The following GPR146 variants were observed in gnomAD, a reference collection of about 807,000 sequenced individuals.
GPR146 encodes G-protein coupled receptor 146.
For synonymous variants in GPR146, 203 were observed against 104.3 expected, an observed-to-expected ratio of 1.95 and a Z score of -5.77; for missense variants, 381 against 213.9, an observed-to-expected ratio of 1.78 and a Z score of -4.87.
intron 1 of GPR146, among the ~76,000 whole-genome samples, chr7:1,050,697 C>T (rs12701708): frequency 0.19 from 29,622 of 152,168 alleles, 3,046 homozygotes; most frequent in Admixed American, 0.22. Flanking sequence ...GAGCCCAGCA[C>T]GGGGTCTTGG....
intron 1 of GPR146, among the ~76,000 whole-genome samples, chr7:1,051,811 A>C (rs1302500615): frequency 6.6e-6 from 1 of 152,184 alleles, no homozygotes; most frequent in African/African-American, 2.4e-5. Context: ...CTGTCTCAAA[A>C]AACGTTAAAT....
intron 1 of GPR146, chr7:1,055,602 G>C: frequency 2.7e-6 from 1 of 365,436 alleles, no homozygotes; most frequent in Non-Finnish European, 5.5e-6. Context: ...GACGCAGGGG[G>C]TTCTGTACAG....
At chr7:1,050,861 C>T (rs1392866573) in intron 1 of GPR146, among the ~76,000 whole-genome samples, 1 of 152,192 alleles carries the variant, frequency 6.6e-6, no homozygotes, top group Non-Finnish European at 1.5e-5. Context: ...ACCCAGAAGG[C>T]TTGACGCGCA....
intron 1 of GPR146, among the ~76,000 whole-genome samples, chr7:1,050,622 C>A (rs968678002): frequency 7.9e-5 from 12 of 152,222 alleles, no homozygotes; most frequent in Non-Finnish European, 4.4e-5. Context: ...GAAGTAAGGC[C>A]CAGCAGCCTT....
intron 1 of GPR146, among the ~76,000 whole-genome samples, chr7:1,055,780 C>T (rs1017486777): frequency 3.9e-5 from 6 of 152,140 alleles, no homozygotes; most frequent in African/African-American, 1.4e-4. Flanking sequence ...ACAGCCCTCC[C>T]GCTCCGATCT....
chr7:1,047,662 G>A (rs1215166740), intron 1 of GPR146, among the ~76,000 whole-genome samples: 2 of 152,270 alleles, frequency 1.3e-5, no homozygotes, highest in African/African-American at 2.4e-5. Flanking sequence ...CATGGTGCAT[G>A]GCAGGTTCGG....
intron 1 of GPR146, among the ~76,000 whole-genome samples, chr7:1,054,008 C>A (rs901593231): frequency 6.6e-6 from 1 of 152,186 alleles, no homozygotes; most frequent in Non-Finnish European, 1.5e-5. Flanking sequence ...CCAGGCGTGG[C>A]CGAGGAAGGG....
At chr7:1,057,438 G>A in intron 1 of GPR146, 54 bp from the exon 2 acceptor site, 1 of 657,570 alleles carries the variant, frequency 1.5e-6, no homozygotes, top group South Asian at 1.7e-5. Context: ...AGCACTTCTG[G>A]GCCAGGGCTT....
At chr7:1,055,545 C>A in intron 1 of GPR146, 1 of 426,792 alleles carries the variant, frequency 2.3e-6, no homozygotes, top group Non-Finnish European at 4.7e-6. Flanking sequence ...GCAGTACAGG[C>A]AGGAGAGGGG....
chr7:1,054,728 G>GCCCTCGCAGGAGGC (rs1380198416), intron 1 of GPR146, among the ~76,000 whole-genome samples: 12 of 152,336 alleles, frequency 7.9e-5, no homozygotes, highest in Non-Finnish European at 1.6e-4. Flanking sequence ...CTGCAGGAGA[G>GCCCTCGCAGGAGGC]CCCTCGCAGG....
At chr7:1,057,429 G>A (rs1172970417) in intron 1 of GPR146, 63 bp from the exon 2 acceptor site, 6 of 640,480 alleles carry the variant, frequency 9.4e-6, no homozygotes, top group Non-Finnish European at 1.4e-5. Context: ...TGTACCTGCA[G>A]CACTTCTGGG....
chr7:1,054,101 G>C (rs372369692), intron 1 of GPR146, among the ~76,000 whole-genome samples: 3 of 152,204 alleles, frequency 2.0e-5, no homozygotes, highest in South Asian at 2.1e-4. Flanking sequence ...GAGCTCCTCG[G>C]CTTTAGGAAC....
At chr7:1,053,235 C>T (rs1393239638) in intron 1 of GPR146, among the ~76,000 whole-genome samples, 3 of 152,262 alleles carry the variant, frequency 2.0e-5, no homozygotes, top group Non-Finnish European at 4.4e-5. Flanking sequence ...CAGGCTCCCA[C>T]AGAACCCCTC....
intron 1 of GPR146, chr7:1,055,252 A>G (rs1237132139): frequency 2.1e-6 from 1 of 471,186 alleles, no homozygotes; most frequent in Non-Finnish European, 4.4e-6. Context: ...CAAGGGAGGC[A>G]GAGGCCCTGC....
In GPR146 at chr7:1,058,610, G is replaced by A; in HGVS notation, c.*93G>A. 1 of 637,314 alleles carries A rather than the reference G, an allele frequency of 1.6e-6. No individual in the cohort carries two copies. The highest frequency in any genetic ancestry group is 2.6e-5 in the East Asian group (1 of 38,290). The allele number at this position is 637,314 out of a possible 1,614,324, so 39.5% of individuals were successfully genotyped here. On this transcript the variant is annotated 3_prime_UTR_variant, in exon 2 of 2. Transcript: ENST00000444847. ...CCCACATCCTTCCAGAAGGAGACGA[G>A]CTGCTGGAAGAGAAGCAGGAGGGGT...
chr7:1,049,874 G>C (rs928938411), intron 1 of GPR146, among the ~76,000 whole-genome samples: 14 of 152,230 alleles, frequency 9.2e-5, no homozygotes, highest in Admixed American at 9.2e-4. Context: ...GCCCTGGGCA[G>C]GGACAGCTGA....
chr7:1,055,052 G>A (rs1783580726), intron 1 of GPR146, among the ~76,000 whole-genome samples: 2 of 152,206 alleles, frequency 1.3e-5, no homozygotes, highest in African/African-American at 4.8e-5. Context: ...CCAGGCTCTC[G>A]GTGGGATGCC....
At chr7:1,054,923 G>A (rs888880849) in intron 1 of GPR146, among the ~76,000 whole-genome samples, 2 of 152,246 alleles carry the variant, frequency 1.3e-5, no homozygotes, top group African/African-American at 2.4e-5. Context: ...GCCTTCGCTC[G>A]ACAGTAGACC....
intron 1 of GPR146, among the ~76,000 whole-genome samples, chr7:1,050,853 C>G (rs1469013772): frequency 1.3e-5 from 2 of 152,192 alleles, no homozygotes; most frequent in African/African-American, 4.8e-5. Flanking sequence ...GACCAGGAAC[C>G]CAGAAGGCTT....
Sources: allele counts gnomAD v4.1 joint callset (sites outside exome capture counted in the v4.1 genomes callset), GRCh38; gene constraint gnomAD v4.1.1; transcripts MANE v1.5; gene names NCBI Gene and HGNC (gene_info 2026-07-23, HGNC 2026-07-21).